The following JAG2 variants were observed in gnomAD, a reference collection of about 807,000 sequenced individuals.
JAG2 encodes protein jagged-2.
A neutral mutation model predicts 141.7 loss-of-function variants in JAG2; 46 were observed. The ratio of observed to expected loss-of-function variants is 0.32; its 90% CI spans 0.26 to 0.42. The LOEUF (loss-of-function observed/expected upper bound fraction) is 0.42. Ranked by LOEUF, JAG2 falls within the 10% of genes least tolerant of loss-of-function variation. JAG2 has a pLI of 1.00. For synonymous variants in JAG2, 862 were observed against 763.5 expected (o/e 1.13, Z -2.13); for missense variants, 1,500 against 1,817.5 (o/e 0.83, Z 3.18).
chr14:105,143,347 G>A (rs903344748), intron 25 of JAG2, 135 bp downstream of exon 25: 51 of 1,294,460 alleles, frequency 3.9e-5, no homozygotes, highest in Middle Eastern at 2.5e-4. Context: ...TGTGGGGCTG[G>A]GCGGCTGGGG....
In JAG2 at chr14:105,147,487, G is replaced by A. The variant is rs886488161; in HGVS notation, c.2393+13C>T. 2 of 1,611,484 alleles carry A rather than the reference G, an allele frequency of 1.2e-6. No homozygotes were observed. The highest frequency in any genetic ancestry group is 1.7e-5 in the Admixed American group (1 of 60,004). ...CCACCCACCCCTGCTGTGGCCCCCA[G>A]GGTGCCACTCACCAAGGCAGAGGGT... On this transcript the variant is annotated intron_variant, in intron 19 of 25. Transcript: ENST00000331782.
At chr14:105,168,305 G>T (rs967566870) in intron 1 of JAG2, 50 bp downstream of exon 1, 2 of 689,770 alleles carry the variant, frequency 2.9e-6, no homozygotes, top group Non-Finnish European at 3.6e-6. Flanking sequence ...CCTAGGGGCG[G>T]CCCGGTGTGC....
At chr14:105,156,914 C>T (rs1468368152) in intron 3 of JAG2, among the ~76,000 whole-genome samples, 1 of 152,100 alleles carries the variant, frequency 6.6e-6, no homozygotes, top group Non-Finnish European at 1.5e-5. Context: ...ACCTGGGCAC[C>T]CCCACCGCCG....
At chr14:105,146,009 GCACAGGAGGGTCAGATGCAGGCA>G (rs758742424) in intron 22 of JAG2, 36 bp from the exon 23 acceptor site, 12 of 1,580,124 alleles carry the variant, frequency 7.6e-6, no homozygotes, top group Non-Finnish European at 9.4e-6. Flanking sequence ...AGGCGCAGGC[GCACAGGAGGGTCAGATGCAGGCA>G]CACAGATGAG....
In JAG2 at chr14:105,151,124, G is replaced by T. The variant is rs757484537; in HGVS notation, c.1268-20C>A. The T allele has an allele frequency of 1.1e-5, 18 of 1,596,728 alleles. No individual in the cohort carries two copies. Among genetic ancestry groups the T allele is most frequent in the Non-Finnish European group, 1.7e-6 (2 of 1,171,506 alleles). ...TGGCGTCTGTGAAAGAGACAAGGTG[G>T]GAGCCGTGGGGCTCGGGCCCTGCCT... On this transcript the variant is annotated intron_variant, in intron 9 of 25. Coordinates refer to ENST00000331782, the MANE Select transcript of JAG2 (RefSeq NM_002226.5).
intron 3 of JAG2, 54 bp downstream of exon 3, chr14:105,157,652 C>A (rs760749902): frequency 2.7e-6 from 4 of 1,472,970 alleles, no homozygotes; most frequent in African/African-American, 2.8e-5. Flanking sequence ...CTGGGCCCTG[C>A]CACAGGCACG....
chr14:105,166,117 T>C (rs1888901538), intron 2 of JAG2, among the ~76,000 whole-genome samples: 1 of 152,162 alleles, frequency 6.6e-6, no homozygotes, highest in South Asian at 2.1e-4. Flanking sequence ...AGGAACCGGC[T>C]GGAAGCAAGA....
In JAG2 at chr14:105,142,813, TTG is replaced by T. The variant is rs1331906417; in HGVS notation, c.3597_3598del (p.His1199GlnfsTer32). 1 of 1,610,886 alleles carries T rather than the reference TTG, an allele frequency of 6.2e-7. No individual in the cohort carries two copies. Among genetic ancestry groups the T allele is most frequent in the South Asian group, 1.1e-5 (1 of 90,658 alleles). ...CGAGCGGCCAGGATCTTTGGTGAAT[TTG>T]TGTGAGAGGAACTTCTCCGCCTCCA... On this transcript the variant is annotated frameshift_variant, in exon 26 of 26. Transcript: ENST00000331782. LOFTEE classifies it low-confidence loss of function (END_TRUNC).
Position 105,145,747 on chromosome 14 carries a change from C to T in JAG2, c.2936G>A (p.Arg979His), listed in dbSNP as rs368191747. 3.1e-5 allele frequency: 50 copies of T among 1,596,404 alleles called. No homozygotes were observed. Among genetic ancestry groups the T allele is most frequent in the Admixed American group, 6.9e-5 (4 of 58,162 alleles). Residue 979 changes from arginine to histidine, a missense_variant, in exon 23 of 26, where the codon CGT becomes CAT. Coordinates refer to ENST00000331782, the MANE Select transcript of JAG2 (RefSeq NM_002226.5). The part of the protein sequence containing the change: ...NCARLTLHFN[R>H]DHVPQGTTVG... Reference sequence around the variant, plus strand: ...GCCCCTCACCTGGGGCACGTGGTCACGGTTGAAATGCAAGGTGAGGCGGGC... The same window carrying T: ...GCCCCTCACCTGGGGCACGTGGTCATGGTTGAAATGCAAGGTGAGGCGGGC...
At chr14:105,157,072 GAC>G (rs1428869606) in intron 3 of JAG2, among the ~76,000 whole-genome samples, 4 of 152,074 alleles carry the variant, frequency 2.6e-5, no homozygotes, top group Non-Finnish European at 5.9e-5. Flanking sequence ...AAGTCACCCT[GAC>G]ACGCCCAGAT....
At chr14:105,156,012 C>T (rs1888572662) in intron 3 of JAG2, 23 bp from the exon 4 acceptor site, 1 of 1,598,202 alleles carries the variant, frequency 6.3e-7, no homozygotes, top group African/African-American at 1.3e-5. Context: ...GCAGAGTCAG[C>T]ACAGGCCAGA....
rs144769302 is a variant in JAG2 at position 105,162,306 on chromosome 14, C to T, written c.418-4543G>A. Among the ~76,000 whole-genome samples the T allele has an allele frequency of 3.0e-4, 45 of 152,188 alleles. No homozygotes were observed. The East Asian group carries it at 8.1e-3, about 27-fold the overall frequency. ...CCCACCCCCACCGCACAAGCAGACC[C>T]GCAGCCCAACTTCATCTCCCACCAT... On this transcript the variant is annotated intron_variant, in intron 2 of 25. Coordinates refer to ENST00000331782, the MANE Select transcript of JAG2 (RefSeq NM_002226.5).
chr14:105,150,490 G>T, intron 12 of JAG2, 114 bp downstream of exon 12: 1 of 1,141,200 alleles, frequency 8.8e-7, no homozygotes, highest in Non-Finnish European at 1.2e-6. Context: ...GACGCCTTGG[G>T]GACAACTTCC....
chr14:105,157,860 T>G, intron 2 of JAG2, 97 bp from the exon 3 acceptor site: 1 of 1,102,958 alleles, frequency 9.1e-7, no homozygotes, highest in South Asian at 1.3e-5. Context: ...TGCCCCTGGG[T>G]CTGCCAGGCT....
chr14:105,163,572 G>A (rs1258398872), intron 2 of JAG2, among the ~76,000 whole-genome samples: 1 of 150,324 alleles, frequency 6.7e-6, no homozygotes, highest in Non-Finnish European at 1.5e-5. Flanking sequence ...CTGGGGACAG[G>A]GACTCCGCTC....
chr14:105,145,043 T>C lies in JAG2; in HGVS notation c.2971A>G (p.Ile991Val), dbSNP rs146100994. 6.2e-7 allele frequency: 1 copy of C among 1,609,804 alleles called. No individual in the cohort carries two copies. Among genetic ancestry groups the C allele is most frequent in the East Asian group, 2.2e-5 (1 of 44,852 alleles). Reference protein sequence around the residue: ...HVPQGTTVGAICSGIRSLPAT... With the variant: ...HVPQGTTVGAVCSGIRSLPAT... Reference sequence around the variant, plus strand: ...GGCAGGGAGCGGATCCCGGAGCAAATGGCGCCCACCGTGGTGCCCTGGGCA... The same window carrying C: ...GGCAGGGAGCGGATCCCGGAGCAAACGGCGCCCACCGTGGTGCCCTGGGCA... The change falls in exon 24 of 26, where the codon ATT becomes GTT. Residue 991 changes from isoleucine (I) to valine (V), a missense_variant. This residue lies in a region of JAG2 where 425 missense variants were observed against 441.0 expected (regional missense o/e 0.96). Transcript: ENST00000331782.
At position 105,168,431 on chromosome 14, in the gene JAG2, A is replaced by ACCCG; in HGVS notation, c.-15_-12dup. On this transcript the variant is annotated 5_prime_UTR_variant, in exon 1 of 26. Coordinates refer to ENST00000331782, the MANE Select transcript of JAG2 (RefSeq NM_002226.5). ...GCCCTGCGCCCGCATTGCCCCCGCG[A>ACCCG]CCCGCCCGCCCGGCCCCGCCGCCGC... is the stretch of plus-strand genomic sequence containing the variant. 1.5e-6 allele frequency: 1 copy of ACCCG among 653,308 alleles called. No homozygotes were observed. The highest frequency in any genetic ancestry group is 1.9e-6 in the Non-Finnish European group (1 of 536,804). The allele number at this position is 653,308 out of a possible 1,614,324, so 40.5% of individuals were successfully genotyped here.
intron 5 of JAG2, 105 bp from the exon 6 acceptor site, chr14:105,152,396 G>T (rs1013759540): frequency 1.5e-4 from 203 of 1,360,254 alleles, no homozygotes; most frequent in Non-Finnish European, 1.9e-4. Context: ...GCCGGCGGGC[G>T]GCCTCAGGCC....
At chr14:105,162,084 T>C (rs1172056078) in intron 2 of JAG2, among the ~76,000 whole-genome samples, 1 of 152,078 alleles carries the variant, frequency 6.6e-6, no homozygotes, top group Non-Finnish European at 1.5e-5. Flanking sequence ...CAATAGGCGA[T>C]GTGTGGGCTG....
Sources: allele counts gnomAD v4.1 joint callset (sites outside exome capture counted in the v4.1 genomes callset), GRCh38; gene constraint gnomAD v4.1.1; regional missense constraint gnomAD v4.1.1; transcripts MANE v1.5; gene names NCBI Gene and HGNC (gene_info 2026-07-23, HGNC 2026-07-21).